The following WWOX variants were observed in gnomAD, a reference collection of about 807,000 sequenced individuals.
WWOX encodes WW domain-containing oxidoreductase.
WWOX carries 69 observed loss-of-function variants against 46.2 expected under a neutral mutation model. That is an observed-to-expected ratio of 1.49 (90% CI 1.23 to 1.82). The LOEUF (loss-of-function observed/expected upper bound fraction) is 1.82. Among genes scored for constraint, WWOX ranks in the 40% most tolerant of loss-of-function variants. The pLI, the probability that WWOX is intolerant of heterozygous loss-of-function variation, is 0.00. For missense variants in WWOX, 919 were observed against 542.6 expected (o/e 1.69, Z -6.89); for synonymous variants, 359 against 202.6 (o/e 1.77, Z -6.56).
At chr16:78,744,884 T>A (rs1019869482) in intron 8 of WWOX, among the ~76,000 whole-genome samples, 32 of 152,184 alleles carry the variant, frequency 2.1e-4, no homozygotes, top group African/African-American at 7.0e-4. Context: ...AGCAACACTC[T>A]AGTTTTCCTC....
chr16:79,098,317 A>T (rs769283735), intron 8 of WWOX, among the ~76,000 whole-genome samples: 8 of 152,228 alleles, frequency 5.3e-5, no homozygotes, highest in Admixed American at 5.2e-4. Flanking sequence ...TCTGAGACAG[A>T]CAGTGGGGAT....
At position 78,469,301 on chromosome 16, in the gene WWOX, A is replaced by G. The variant is rs117476884; in HGVS notation, c.1056+36549A>G. ...ACTATGAAGACATTTCCCTTATGCA[A>G]TTTGTTTTCCATCTAAGAGCAGAAC... On this transcript the variant is annotated intron_variant, in intron 8 of 8. Coordinates refer to ENST00000566780, the MANE Select transcript of WWOX (RefSeq NM_016373.4). Among the ~76,000 whole-genome samples, 233 of 152,202 alleles carry G rather than the reference A, an allele frequency of 1.5e-3. 4 individuals carry two copies. In the East Asian group the frequency reaches 0.028, roughly 19 times the overall value.
chr16:78,972,417 A>G (rs972142498), intron 8 of WWOX, among the ~76,000 whole-genome samples: 4 of 151,810 alleles, frequency 2.6e-5, no homozygotes, highest in Non-Finnish European at 5.9e-5. Context: ...ATAATATTTT[A>G]CAAATTAAAA....
chr16:78,329,787 C>T (rs2080714381), intron 5 of WWOX, among the ~76,000 whole-genome samples: 1 of 150,644 alleles, frequency 6.6e-6, no homozygotes, highest in South Asian at 2.1e-4. Context: ...TGCTTTGTCA[C>T]CCTGGCTCAA....
chr16:78,815,239 T>A (rs1471366082), intron 8 of WWOX, among the ~76,000 whole-genome samples: 1 of 151,736 alleles, frequency 6.6e-6, no homozygotes, highest in African/African-American at 2.4e-5. Flanking sequence ...ACAGGAGATT[T>A]CCTTAAGCCT....
chr16:78,419,703 C>T (rs1451063558), intron 6 of WWOX, among the ~76,000 whole-genome samples: 1 of 130,682 alleles, frequency 7.7e-6, no homozygotes, highest in Non-Finnish European at 1.6e-5. Flanking sequence ...TAGAAGCAAA[C>T]ATAGGGGTAT....
intron 5 of WWOX, among the ~76,000 whole-genome samples, chr16:78,275,194 A>T (rs982946128): frequency 2.0e-5 from 3 of 152,174 alleles, no homozygotes; most frequent in African/African-American, 7.2e-5. Context: ...GCCTGCAGGC[A>T]TGTGTTTGCT....
In WWOX at chr16:78,112,248, C is replaced by T; in HGVS notation, c.230+2413C>T. Among the ~76,000 whole-genome samples the T allele has an allele frequency of 1.3e-5, 2 of 152,202 alleles. 1 individual carries two copies. The highest frequency in any genetic ancestry group is 2.9e-5 in the Non-Finnish European group (2 of 68,038). The stretch of plus-strand genomic sequence containing the variant: ...TTATGGTATTTTTCTAGCATTTTCA[C>T]TGTAGTTGATTGAACCAAAACTTTT... On this transcript the variant is annotated intron_variant, in intron 3 of 8. Transcript: ENST00000566780.
At chr16:78,677,622 C>T (rs2047632984) in intron 8 of WWOX, among the ~76,000 whole-genome samples, 1 of 152,200 alleles carries the variant, frequency 6.6e-6, no homozygotes. Context: ...CTGACTTTCA[C>T]CTTTTATGAT....
chr16:78,712,158 G>A (rs1199304232), intron 8 of WWOX, among the ~76,000 whole-genome samples: 1 of 152,060 alleles, frequency 6.6e-6, no homozygotes, highest in Non-Finnish European at 1.5e-5. Context: ...AATTGACTTC[G>A]AAATGTTATG....
intron 8 of WWOX, among the ~76,000 whole-genome samples, chr16:79,010,686 G>A (rs2047285631): frequency 6.6e-6 from 1 of 152,276 alleles, no homozygotes. Context: ...GGGTGGTCAA[G>A]GAAGGCTTCC....
intron 5 of WWOX, among the ~76,000 whole-genome samples, chr16:78,197,134 C>T (rs908215481): frequency 2.0e-5 from 3 of 152,180 alleles, no homozygotes; most frequent in Non-Finnish European, 4.4e-5. Context: ...TACCTCTGCG[C>T]CATCTGTGAT....
At chr16:78,312,047 C>T (rs1597467787) in intron 5 of WWOX, among the ~76,000 whole-genome samples, 1 of 152,130 alleles carries the variant, frequency 6.6e-6, no homozygotes, top group East Asian at 1.9e-4. Context: ...TTCCAGCCAG[C>T]AACATTGGGC....
intron 8 of WWOX, among the ~76,000 whole-genome samples, chr16:78,906,546 T>G (rs745882284): frequency 6.6e-6 from 1 of 152,148 alleles, no homozygotes; most frequent in Non-Finnish European, 1.5e-5. Flanking sequence ...GTCCACGGCT[T>G]CCAAAGAGAA....
intron 8 of WWOX, among the ~76,000 whole-genome samples, chr16:78,673,955 A>C (rs2047526400): frequency 6.6e-6 from 1 of 152,128 alleles, no homozygotes; most frequent in Non-Finnish European, 1.5e-5. Flanking sequence ...GAGCACATAA[A>C]ATCAGAAACA....
At position 79,072,674 on chromosome 16, in the gene WWOX, TCATCAC is replaced by T. The variant is rs376523894; in HGVS notation, c.1057-138917_1057-138912del. On this transcript the variant is annotated intron_variant, in intron 8 of 8. Coordinates refer to ENST00000566780, the MANE Select transcript of WWOX (RefSeq NM_016373.4). Reference sequence around the variant, plus strand: ...GTACTTGTTTTAGCTGTCATCTTCATCATCACCATCACCATCACCATCGTCATCATC... The same window carrying T: ...GTACTTGTTTTAGCTGTCATCTTCATCATCACCATCACCATCGTCATCATC... Among the ~76,000 whole-genome samples the T allele has an allele frequency of 9.2e-5, 14 of 152,354 alleles. No homozygotes were observed. In the East Asian group the frequency reaches 1.2e-3, roughly 13 times the overall value.
chr16:78,162,593 T>C (rs1313782825), intron 4 of WWOX, among the ~76,000 whole-genome samples: 1 of 152,054 alleles, frequency 6.6e-6, no homozygotes, highest in Non-Finnish European at 1.5e-5. Flanking sequence ...TACACATACA[T>C]ATTTCTGCTT....
intron 5 of WWOX, among the ~76,000 whole-genome samples, chr16:78,335,312 C>T (rs938165692): frequency 2.0e-5 from 3 of 152,168 alleles, no homozygotes; most frequent in African/African-American, 7.2e-5. Context: ...GTGTGTTATC[C>T]GCCTCCACCG....
intron 8 of WWOX, among the ~76,000 whole-genome samples, chr16:78,571,143 C>T (rs776369722): frequency 3.3e-5 from 5 of 152,138 alleles, no homozygotes; most frequent in African/African-American, 4.8e-5. Context: ...ATGTACATTT[C>T]TGAAAATCCA....
Sources: allele counts gnomAD v4.1 joint callset (sites outside exome capture counted in the v4.1 genomes callset), GRCh38; gene constraint gnomAD v4.1.1; transcripts MANE v1.5; gene names NCBI Gene and HGNC (gene_info 2026-07-23, HGNC 2026-07-21).